The following MSI2 variants were observed in gnomAD, a reference collection of about 807,000 sequenced individuals.
MSI2 encodes RNA-binding protein Musashi homolog 2.
Under a neutral mutation model 45.6 loss-of-function variants are expected in MSI2, and 17 were observed. That is an observed-to-expected ratio of 0.37 (90% CI 0.26 to 0.56). MSI2 has a LOEUF of 0.56. Among genes scored for constraint, MSI2 ranks in the 20% least tolerant of loss-of-function variants. The probability of loss-of-function intolerance (pLI) is 0.77; values close to 1 mark genes in which losing one functional copy is unlikely to be tolerated. For missense variants in MSI2, 293 were observed against 444.2 expected (o/e 0.66, Z 3.06); for synonymous variants, 156 against 158.2 (o/e 0.99, Z 0.11).
intron 4 of MSI2, among the ~76,000 whole-genome samples, chr17:57,261,871 T>G (rs1907339589): frequency 6.6e-6 from 1 of 152,228 alleles, no homozygotes; most frequent in Non-Finnish European, 1.5e-5. Flanking sequence ...AGCCCTTGCC[T>G]AAATAAGAAT....
At chr17:57,406,954 C>T (rs1015008849) in intron 6 of MSI2, 4 of 152,084 alleles carry the variant, frequency 2.6e-5, no homozygotes, top group African/African-American at 4.8e-5. Flanking sequence ...CTGTGGTGGC[C>T]GGGAAGAAAA....
At chr17:57,418,659 C>T (rs891654765) in intron 6 of MSI2, among the ~76,000 whole-genome samples, 7 of 152,184 alleles carry the variant, frequency 4.6e-5, no homozygotes, top group African/African-American at 1.7e-4. Context: ...AAGGCTTGCT[C>T]GTCATGCAAC....
Position 57,264,313 on chromosome 17 carries a change from A to G in MSI2, c.312+2121A>G, listed in dbSNP as rs1024360981. The G allele has an allele frequency of 5.3e-5, 8 of 152,014 alleles. 1 individual carries two copies. Among genetic ancestry groups the G allele is most frequent in the African/African-American group, 1.5e-4 (6 of 41,300 alleles). 9.4% of individuals were successfully genotyped at this position (152,014 alleles called of 1,614,324 possible). On this transcript the variant is annotated intron_variant, in intron 5 of 13. Transcript: ENST00000284073. ...GCAGATTACGTAAATTAATAAAGGT[A>G]AAGGGACTGAAAAAAAAAAGACGTT...
intron 5 of MSI2, among the ~76,000 whole-genome samples, chr17:57,376,696 T>C (rs780437833): frequency 1.3e-5 from 2 of 152,214 alleles, no homozygotes; most frequent in African/African-American, 2.4e-5. Context: ...AGCAGCTGAT[T>C]GGCTCAAACT....
intron 10 of MSI2, among the ~76,000 whole-genome samples, chr17:57,641,477 C>T (rs911097452): frequency 3.3e-5 from 5 of 152,038 alleles, no homozygotes; most frequent in Admixed American, 2.0e-4. Flanking sequence ...CAGCAAGAGA[C>T]CCTGTTGGAA....
intron 5 of MSI2, among the ~76,000 whole-genome samples, chr17:57,322,167 A>G (rs1441972144): frequency 6.6e-6 from 1 of 152,192 alleles, no homozygotes; most frequent in African/African-American, 2.4e-5. Flanking sequence ...TCCCCACAGT[A>G]CTGAGACCAG....
At position 57,330,078 on chromosome 17, in the gene MSI2, A is replaced by T. The variant is rs566012467; in HGVS notation, c.312+67886A>T. ...GTTGAATAATGACTTGCGAGGGCGG[A>T]TGGTAGAGTTTCCAACTTCTTTAAG... On this transcript the variant is annotated intron_variant, in intron 5 of 13. Coordinates refer to ENST00000284073, the MANE Select transcript of MSI2 (RefSeq NM_138962.4). Among the ~76,000 whole-genome samples, 53 of 151,956 alleles carry T rather than the reference A, an allele frequency of 3.5e-4. No homozygotes were observed. The Middle Eastern group carries it at 0.014, about 39-fold the overall frequency.
At chr17:57,379,943 T>A (rs2083570763) in intron 5 of MSI2, among the ~76,000 whole-genome samples, 1 of 152,250 alleles carries the variant, frequency 6.6e-6, no homozygotes, top group South Asian at 2.1e-4. Flanking sequence ...TTCTTTTTTT[T>A]GTTTTCCTTT....
chr17:57,256,863 G>A, intron 1 of MSI2, 59 bp downstream of exon 1: 2 of 1,323,358 alleles, frequency 1.5e-6, no homozygotes, highest in Non-Finnish European at 2.0e-6. Context: ...TGCAGCGGCG[G>A]GGACGGCGGT....
chr17:57,256,748 G>A lies in MSI2; in HGVS notation c.6G>A (p.Glu2=), dbSNP rs1906758079. 6.8e-7 allele frequency: 1 copy of A among 1,462,804 alleles called. No homozygotes were observed. Among genetic ancestry groups the A allele is most frequent in the Admixed American group, 2.5e-5 (1 of 39,900 alleles). 90.6% of individuals were successfully genotyped at this position (1,462,804 alleles called of 1,614,324 possible). A position where few individuals can be genotyped will look rare whatever the true frequency, so the allele number is the denominator to read the frequency against. Reference sequence around the variant, plus strand: ...GGGGGCGGGGGGGCTCAGATATGGAGGCAAATGGGAGCCAAGGCACCTCGG... The same window carrying A: ...GGGGGCGGGGGGGCTCAGATATGGAAGCAAATGGGAGCCAAGGCACCTCGG... M[E]ANGSQGTSGS... The change falls in exon 1 of 14, where the codon GAG becomes GAA. Residue 2 remains glutamate (E), a synonymous_variant. Transcript: ENST00000284073.
chr17:57,658,122 CT>C (rs1911739259), intron 11 of MSI2, among the ~76,000 whole-genome samples: 1 of 152,236 alleles, frequency 6.6e-6, no homozygotes, highest in Non-Finnish European at 1.5e-5. Flanking sequence ...TCCATCTCTG[CT>C]TCCTCACCCA....
At chr17:57,451,514 C>T (rs1000188300) in intron 6 of MSI2, among the ~76,000 whole-genome samples, 1 of 152,212 alleles carries the variant, frequency 6.6e-6, no homozygotes, top group African/African-American at 2.4e-5. Flanking sequence ...AGGTGCCAGC[C>T]TGGGCATGGC....
chr17:57,665,677 C>G (rs552125517), intron 11 of MSI2, among the ~76,000 whole-genome samples: 1 of 151,938 alleles, frequency 6.6e-6, no homozygotes, highest in East Asian at 1.9e-4. Context: ...TACCGTTCAG[C>G]CCTAGGGTGT....
At chr17:57,650,551 C>T (rs1911057900) in intron 10 of MSI2, among the ~76,000 whole-genome samples, 4 of 152,198 alleles carry the variant, frequency 2.6e-5, no homozygotes, top group Admixed American at 2.6e-4. Context: ...GGAGGGCCTC[C>T]AGTCACCATG....
chr17:57,616,593 A>C (rs1163153276), intron 9 of MSI2: 1 of 152,088 alleles, frequency 6.6e-6, no homozygotes, highest in Non-Finnish European at 1.5e-5. Flanking sequence ...TTTGCATTTA[A>C]ATGGATGTTT....
chr17:57,498,668 T>A (rs1418397486), intron 6 of MSI2, among the ~76,000 whole-genome samples: 1 of 152,244 alleles, frequency 6.6e-6, no homozygotes, highest in African/African-American at 2.4e-5. Flanking sequence ...CACAGCATGT[T>A]TTGAGGATCG....
In MSI2 at chr17:57,646,320, C is replaced by T. The variant is rs564745241; in HGVS notation, c.728-5779C>T. On this transcript the variant is annotated intron_variant, in intron 10 of 13. Transcript: ENST00000284073. Reference sequence around the variant, plus strand: ...ATATCATCCTCAAATTCCCCAAAACCCAAAAGCACCATTGACTTCTAATTT... The same window carrying T: ...ATATCATCCTCAAATTCCCCAAAACTCAAAAGCACCATTGACTTCTAATTT... Among the ~76,000 whole-genome samples the T allele has an allele frequency of 1.1e-3, 161 of 152,256 alleles. 2 individuals are homozygous for T. The highest frequency in any genetic ancestry group is 1.3e-3 in the Non-Finnish European group (87 of 67,998).
intron 5 of MSI2, among the ~76,000 whole-genome samples, chr17:57,353,676 AC>A (rs544347963): frequency 1.8e-3 from 275 of 152,298 alleles, no homozygotes; most frequent in Admixed American, 4.1e-3. Context: ...AGCTTCCAGT[AC>A]CAGTAGATTG....
intron 5 of MSI2, among the ~76,000 whole-genome samples, chr17:57,334,095 G>A (rs974949387): frequency 6.6e-6 from 1 of 152,204 alleles, no homozygotes; most frequent in African/African-American, 2.4e-5. Flanking sequence ...GGGCCATTCA[G>A]TAGACATTTG....
Sources: gnomAD v4.1 joint callset for allele counts (sites outside exome capture counted in the v4.1 genomes callset) on GRCh38, gnomAD v4.1.1 for gene constraint, MANE v1.5 for transcripts, NCBI Gene and HGNC (gene_info 2026-07-23, HGNC 2026-07-21) for gene names.